CMIP: variants seen among roughly 807,000 people sequenced by gnomAD.
CMIP encodes C-Maf-inducing protein.
A neutral mutation model predicts 97.3 loss-of-function variants in CMIP; 13 were observed. The ratio of observed to expected loss-of-function variants is 0.13; its 90% CI spans 0.09 to 0.21. CMIP has a LOEUF of 0.21. Ranked by LOEUF, CMIP falls within the 10% of genes least tolerant of loss-of-function variation. The probability of loss-of-function intolerance (pLI) is 1.00; values close to 1 mark genes in which losing one functional copy is unlikely to be tolerated. For synonymous variants in CMIP, 538 were observed against 436.3 expected (o/e 1.23, Z -2.91); for missense variants, 847 against 1,024.9 (o/e 0.83, Z 2.37).
intron 1 of CMIP, among the ~76,000 whole-genome samples, chr16:81,556,858 G>A (rs999953900): frequency 6.6e-6 from 1 of 152,312 alleles, no homozygotes; most frequent in Non-Finnish European, 1.5e-5. Flanking sequence ...CCTGAATGGC[G>A]CTCCTGAAAA....
At chr16:81,539,518 C>G (rs2090409180) in intron 1 of CMIP, among the ~76,000 whole-genome samples, 2 of 152,226 alleles carry the variant, frequency 1.3e-5, no homozygotes, top group African/African-American at 4.8e-5. Flanking sequence ...TCATGCTTCG[C>G]TGTTGCTTTT....
At chr16:81,678,026 G>T (rs1904446106) in intron 9 of CMIP, among the ~76,000 whole-genome samples, 1 of 152,224 alleles carries the variant, frequency 6.6e-6, no homozygotes, top group Admixed American at 6.5e-5. Context: ...GTTATGTGCT[G>T]GGGTGATAGC....
chr16:81,481,152 A>G (rs1255439790), intron 1 of CMIP, among the ~76,000 whole-genome samples: 2 of 152,160 alleles, frequency 1.3e-5, no homozygotes, highest in Admixed American at 6.5e-5. Context: ...TTATTCAACA[A>G]ATATTGTTGA....
chr16:81,524,163 C>T (rs370822035), intron 1 of CMIP, among the ~76,000 whole-genome samples: 2 of 152,282 alleles, frequency 1.3e-5, no homozygotes, highest in East Asian at 1.9e-4. Context: ...AAGACAGGAC[C>T]CTGTAATGCC....
At chr16:81,565,835 G>GATGTGCCGA (rs2090972168) in intron 1 of CMIP, among the ~76,000 whole-genome samples, 1 of 152,314 alleles carries the variant, frequency 6.6e-6, no homozygotes, top group African/African-American at 2.4e-5. Flanking sequence ...CCTCCTTCAG[G>GATGTGCCGA]ATGTGCCGAC....
At chr16:81,693,117 G>T in intron 11 of CMIP, 41 bp from the exon 12 acceptor site, 2 of 1,572,296 alleles carry the variant, frequency 1.3e-6, no homozygotes, top group Non-Finnish European at 1.8e-6. Context: ...TGTTTCCGAC[G>T]CTTCTGTTAA....
At chr16:81,603,931 T>A (rs2150936727) in intron 1 of CMIP, among the ~76,000 whole-genome samples, 1 of 152,334 alleles carries the variant, frequency 6.6e-6, no homozygotes, top group South Asian at 2.1e-4. Context: ...ATTCTACCTA[T>A]TAAATAAATT....
intron 9 of CMIP, among the ~76,000 whole-genome samples, chr16:81,677,760 G>T (rs1904419633): frequency 6.6e-6 from 1 of 152,170 alleles, no homozygotes; most frequent in Admixed American, 6.5e-5. Context: ...CAGACAGAAG[G>T]GCAGATACTG....
At position 81,692,691 on chromosome 16, in the gene CMIP, C is replaced by T. The variant is rs560612062; in HGVS notation, c.1455-467C>T. ...AAGAGGCGCTCAGTCTCAGCAGAGT[C>T]GTGACGTCATTGGCCTCAGTCCCCG... On this transcript the variant is annotated intron_variant, in intron 11 of 20. Coordinates refer to ENST00000537098, the MANE Select transcript of CMIP (RefSeq NM_198390.3). 1.1e-4 allele frequency among the ~76,000 whole-genome samples: 16 copies of T among 152,350 alleles called. No individual in the cohort carries two copies. The East Asian group carries it at 1.2e-3, about 11-fold the overall frequency.
At chr16:81,563,675 G>C (rs1482903376) in intron 1 of CMIP, among the ~76,000 whole-genome samples, 1 of 152,186 alleles carries the variant, frequency 6.6e-6, no homozygotes, top group African/African-American at 2.4e-5. Flanking sequence ...TTCTTGCTTG[G>C]CGTGTTCTCT....
At chr16:81,692,585 A>G (rs548661185) in intron 11 of CMIP, among the ~76,000 whole-genome samples, 102 of 152,362 alleles carry the variant, frequency 6.7e-4, no homozygotes, top group Non-Finnish European at 1.2e-3. Flanking sequence ...AGGGCACATT[A>G]CACGCAGTAA....
intron 2 of CMIP, among the ~76,000 whole-genome samples, chr16:81,609,862 C>A (rs1407099081): frequency 6.6e-6 from 1 of 152,164 alleles, no homozygotes; most frequent in Non-Finnish European, 1.5e-5. Context: ...TGGGCGATGG[C>A]CAGATCACCC....
At chr16:81,663,097 C>CAAA (rs5818346) in intron 6 of CMIP, among the ~76,000 whole-genome samples, 1 of 144,724 alleles carries the variant, frequency 6.9e-6, no homozygotes. Context: ...TTTTTAACTC[C>CAAA]AAAAAAAAAA....
Position 81,609,376 on chromosome 16 carries a change from C to T in CMIP, c.426+1684C>T, listed in dbSNP as rs544709598. On this transcript the variant is annotated intron_variant, in intron 2 of 20. Transcript: ENST00000537098. ...GGGGGTGGTCAGTGCCAGCCCCCCTCGGCGGGGGAGATGGGGCGGGCAATC... is the reference window on the plus strand; with the variant it reads ...GGGGGTGGTCAGTGCCAGCCCCCCTTGGCGGGGGAGATGGGGCGGGCAATC... Among the ~76,000 whole-genome samples the T allele has an allele frequency of 2.4e-3, 362 of 152,318 alleles. 2 individuals carry two copies. The highest frequency in any genetic ancestry group is 8.2e-3 in the African/African-American group (342 of 41,572).
chr16:81,674,799 TG>T (rs2092713048), intron 9 of CMIP, among the ~76,000 whole-genome samples: 1 of 151,986 alleles, frequency 6.6e-6, no homozygotes, highest in African/African-American at 2.4e-5. Flanking sequence ...TTGGCCAGGC[TG>T]GTCTCGAACT....
intron 1 of CMIP, among the ~76,000 whole-genome samples, chr16:81,483,828 T>C (rs1218600724): frequency 6.6e-6 from 1 of 152,236 alleles, no homozygotes; most frequent in African/African-American, 2.4e-5. Flanking sequence ...CAACCCGTCC[T>C]GCAGCATGTT....
chr16:81,457,826 A>G (rs1055460776), intron 1 of CMIP, among the ~76,000 whole-genome samples: 1 of 152,126 alleles, frequency 6.6e-6, no homozygotes, highest in Non-Finnish European at 1.5e-5. Context: ...CCCTGTCCCC[A>G]TGTCTGGCAT....
rs1391985249 is a variant in CMIP at position 81,705,549 on chromosome 16, G to T, written c.2142G>T (p.Gln714His). 6.2e-7 allele frequency: 1 copy of T among 1,609,726 alleles called. No individual in the cohort carries two copies. Among genetic ancestry groups the T allele is most frequent in the Non-Finnish European group, 8.5e-7 (1 of 1,178,722 alleles). The change falls in exon 19 of 21, where the codon CAG becomes CAT. Residue 714 changes from glutamine (Q) to histidine (H), a missense_variant. By Grantham distance (24) the Gln-to-His change is conservative. Coordinates refer to ENST00000537098, the MANE Select transcript of CMIP (RefSeq NM_198390.3). ...RLLSEHLTML[Q>H]VLNLCETPVT... ...TGTCGGAACACCTCACCATGCTCCA[G>T]GTGCTGAACCTGTGCGAGACCCCGG...
chr16:81,695,796 G>C (rs752176016), intron 13 of CMIP: 18 of 153,066 alleles, frequency 1.2e-4, no homozygotes, highest in African/African-American at 2.4e-5. Context: ...TGAGAGCTGT[G>C]CTTTTGGCAC....
Sources: gnomAD v4.1 joint callset for allele counts (sites outside exome capture counted in the v4.1 genomes callset) on GRCh38, gnomAD v4.1.1 for gene constraint, MANE v1.5 for transcripts, NCBI Gene and HGNC (gene_info 2026-07-23, HGNC 2026-07-21) for gene names.